Variants in SPAG16 observed in about 807,000 individuals in gnomAD.
The protein encoded by SPAG16 is sperm associated antigen 16, also known as sperm-associated antigen 16 protein.
SPAG16 carries 86 observed loss-of-function variants against 80.4 expected under a neutral mutation model. The ratio of observed to expected loss-of-function variants is 1.07; its 90% CI spans 0.90 to 1.28. The LOEUF (loss-of-function observed/expected upper bound fraction) is 1.28, where lower values mean the gene tolerates loss of function less well. Ranked by LOEUF, SPAG16 falls within the 50% of genes most tolerant of loss-of-function variation. The pLI is 0.00. For synonymous variants in SPAG16, 294 were observed against 265.9 expected (o/e 1.11, Z -1.03); for missense variants, 870 against 765.3 (o/e 1.14, Z -1.61).
chr2:214,301,946 T>C (rs1252269817), intron 15 of SPAG16, among the ~76,000 whole-genome samples: 3 of 152,158 alleles, frequency 2.0e-5, no homozygotes, highest in Non-Finnish European at 4.4e-5. Flanking sequence ...CTGAGCTTGC[T>C]CTCTCCTATA....
chr2:213,748,316 T>G (rs991562668), intron 10 of SPAG16, among the ~76,000 whole-genome samples: 8 of 152,146 alleles, frequency 5.3e-5, no homozygotes, highest in African/African-American at 1.9e-4. Context: ...GTATGATTAA[T>G]ACATAGAACT....
intron 10 of SPAG16, among the ~76,000 whole-genome samples, chr2:213,744,498 T>C (rs2067725596): frequency 6.6e-6 from 1 of 152,194 alleles, no homozygotes; most frequent in Admixed American, 6.5e-5. Flanking sequence ...TTTAGTGAGA[T>C]ATTTATACAT....
intron 15 of SPAG16, among the ~76,000 whole-genome samples, chr2:214,361,519 T>G (rs1472795031): frequency 6.6e-6 from 1 of 151,872 alleles, no homozygotes; most frequent in Non-Finnish European, 1.5e-5. Context: ...ACCTTAGTTC[T>G]CCCTGCAGCT....
intron 12 of SPAG16, among the ~76,000 whole-genome samples, chr2:213,988,181 CA>C (rs1410966756): frequency 1.3e-5 from 2 of 151,982 alleles, no homozygotes; most frequent in Admixed American, 1.3e-4. Context: ...ATGCTATGAG[CA>C]CTTGATAAAG....
At position 213,607,090 on chromosome 2, in the gene SPAG16, A is replaced by G. The variant is rs144737206; in HGVS notation, c.1070+117000A>G. Among the ~76,000 whole-genome samples the G allele has an allele frequency of 4.9e-3, 746 of 152,304 alleles. 3 individuals are homozygous for G. The highest frequency in any genetic ancestry group is 0.016 in the African/African-American group (661 of 41,558). On this transcript the variant is annotated intron_variant, in intron 10 of 15. Coordinates refer to ENST00000331683, the MANE Select transcript of SPAG16 (RefSeq NM_024532.5). ...ATGAAAGAAGAGACTAGTTGGTAAAATGTCTTGAAAATTGATCAGTTTCGT... is the reference window on the plus strand; with the variant it reads ...ATGAAAGAAGAGACTAGTTGGTAAAGTGTCTTGAAAATTGATCAGTTTCGT...
At chr2:213,718,737 G>T (rs1352110614) in intron 10 of SPAG16, among the ~76,000 whole-genome samples, 1 of 152,198 alleles carries the variant, frequency 6.6e-6, no homozygotes. Flanking sequence ...GCGGGGCAGG[G>T]CTCGGGACCT....
intron 9 of SPAG16, among the ~76,000 whole-genome samples, chr2:213,429,043 G>A (rs1307509943): frequency 6.7e-6 from 1 of 149,536 alleles, no homozygotes; most frequent in East Asian, 2.0e-4. Context: ...AGTGAGCCAA[G>A]ATCACAACAC....
intron 10 of SPAG16, among the ~76,000 whole-genome samples, chr2:213,598,563 T>G (rs2060956510): frequency 6.6e-6 from 1 of 152,214 alleles, no homozygotes; most frequent in Non-Finnish European, 1.5e-5. Flanking sequence ...TTTTGAGCAT[T>G]AAATGAAGTG....
At chr2:214,356,185 A>G (rs1333709821) in intron 15 of SPAG16, among the ~76,000 whole-genome samples, 2 of 152,032 alleles carry the variant, frequency 1.3e-5, no homozygotes, top group South Asian at 2.1e-4. Context: ...AACTTTAAGT[A>G]TAATAATAAT....
intron 7 of SPAG16, among the ~76,000 whole-genome samples, chr2:213,363,054 T>A (rs1559456010): frequency 5.8e-5 from 1 of 17,304 alleles, no homozygotes; most frequent in Non-Finnish European, 1.5e-4. Flanking sequence ...TGGATGCGAT[T>A]TTGAAACATA....
intron 9 of SPAG16, among the ~76,000 whole-genome samples, chr2:213,469,222 A>G (rs994322401): frequency 2.6e-5 from 4 of 152,168 alleles, no homozygotes; most frequent in Non-Finnish European, 1.5e-5. Flanking sequence ...AGACAACAAT[A>G]AGGTAATAAT....
At chr2:214,103,516 GA>G (rs1412384146) in intron 13 of SPAG16, among the ~76,000 whole-genome samples, 1 of 152,194 alleles carries the variant, frequency 6.6e-6, no homozygotes, top group Admixed American at 6.5e-5. Context: ...CAGACAGCAT[GA>G]AAAAGGTTGT....
chr2:213,677,157 A>C (rs888315464), intron 10 of SPAG16, among the ~76,000 whole-genome samples: 4 of 152,194 alleles, frequency 2.6e-5, no homozygotes, highest in Non-Finnish European at 5.9e-5. Flanking sequence ...CAGCCGCTGT[A>C]AAATCATGCC....
intron 10 of SPAG16, among the ~76,000 whole-genome samples, chr2:213,770,176 A>G (rs1485007504): frequency 1.3e-5 from 2 of 152,164 alleles, no homozygotes; most frequent in East Asian, 3.8e-4. Flanking sequence ...GTTTATTTCC[A>G]GCTTGGGGCT....
chr2:213,310,723 T>C (rs2063153117), intron 4 of SPAG16, among the ~76,000 whole-genome samples: 2 of 151,954 alleles, frequency 1.3e-5, no homozygotes, highest in East Asian at 3.9e-4. Flanking sequence ...TTTCTTGTTA[T>C]AATTGAAAAT....
chr2:213,628,940 G>GAT (rs1381725215), intron 10 of SPAG16, among the ~76,000 whole-genome samples: 1 of 152,024 alleles, frequency 6.6e-6, no homozygotes, highest in Non-Finnish European at 1.5e-5. Flanking sequence ...TAAAAATGAA[G>GAT]ATATATATAG....
intron 9 of SPAG16, among the ~76,000 whole-genome samples, chr2:213,481,600 C>T (rs1232486418): frequency 6.6e-6 from 1 of 152,150 alleles, no homozygotes; most frequent in Non-Finnish European, 1.5e-5. Context: ...TTTGTTTAGC[C>T]TCTGTTTAAG....
chr2:213,469,524 A>G (rs2072945096), intron 9 of SPAG16, among the ~76,000 whole-genome samples: 2 of 150,212 alleles, frequency 1.3e-5, no homozygotes, highest in African/African-American at 4.9e-5. Flanking sequence ...ACCTTCTTCA[A>G]CTACCCATTC....
chr2:213,797,482 T>A (rs2071117480), intron 10 of SPAG16, among the ~76,000 whole-genome samples: 2 of 152,206 alleles, frequency 1.3e-5, no homozygotes, highest in African/African-American at 4.8e-5. Flanking sequence ...CAAATACCAT[T>A]GTGTTACAAT....
Sources: allele counts gnomAD v4.1 joint callset (sites outside exome capture counted in the v4.1 genomes callset), GRCh38; gene constraint gnomAD v4.1.1; transcripts MANE v1.5; gene names NCBI Gene and HGNC (gene_info 2026-07-23, HGNC 2026-07-21).